The following RCBTB1 variants were observed in gnomAD, a reference collection of about 807,000 sequenced individuals.
RCBTB1 encodes the protein RCC1 and BTB domain containing protein 1.
In RCBTB1, 46 loss-of-function variants were observed where a neutral mutation model predicts 62.4. The ratio of observed to expected loss-of-function variants is 0.74; its 90% CI spans 0.58 to 0.94. RCBTB1 has a LOEUF of 0.94. Ranked by LOEUF, RCBTB1 falls within the 40% of genes least tolerant of loss-of-function variation. RCBTB1 has a pLI of 0.00. For synonymous variants in RCBTB1, 222 were observed against 245.8 expected, an observed-to-expected ratio of 0.90 and a Z score of 0.91; for missense variants, 565 against 654.9, an observed-to-expected ratio of 0.86 and a Z score of 1.50.
Position 49,551,574 on chromosome 13 carries a change from CA to C in RCBTB1, c.712-107del, listed in dbSNP as rs138779579. 224 of 1,239,212 alleles carry C rather than the reference CA, an allele frequency of 1.8e-4. No individual in the cohort carries two copies. The African/African-American group carries it at 3.2e-3, about 18-fold the overall frequency. 76.8% of individuals were successfully genotyped at this position (1,239,212 alleles called of 1,614,324 possible). ...CTTCTGCAGAATGCCAAATCATCAT[CA>C]GGGGTGGACTGACATTTGCTGGAAC... is the stretch of plus-strand genomic sequence containing the variant. On this transcript the variant is annotated intron_variant, in intron 7 of 12. Transcript: ENST00000378302.
At chr13:49,543,428 A>T (rs1215996880) in intron 10 of RCBTB1, among the ~76,000 whole-genome samples, 1 of 152,236 alleles carries the variant, frequency 6.6e-6, no homozygotes. Context: ...CCACAGGTGC[A>T]CAGACAGAAA....
At chr13:49,538,086 A>T (rs1960068992) in intron 12 of RCBTB1, 1 of 152,238 alleles carries the variant, frequency 6.6e-6, no homozygotes, top group Admixed American at 6.5e-5. Flanking sequence ...GTTGAGCTCT[A>T]AAAATAATAG....
At chr13:49,559,325 G>T (rs748831620) in intron 5 of RCBTB1, among the ~76,000 whole-genome samples, 2 of 151,922 alleles carry the variant, frequency 1.3e-5, no homozygotes, top group Non-Finnish European at 2.9e-5. Flanking sequence ...TTCCACTTAC[G>T]TGAGGTACCT....
chr13:49,551,395 T>G lies in RCBTB1; in HGVS notation c.785A>C (p.Tyr262Ser). The change falls in exon 8 of 13, where the codon TAT (tyrosine) becomes TCT (serine). Residue 262 changes from tyrosine to serine, a missense_variant. Physicochemically the swap from Tyr to Ser is moderately radical, Grantham distance 144. Coordinates refer to ENST00000378302, the MANE Select transcript of RCBTB1 (RefSeq NM_018191.4). ...GLLYAWGANT[Y>S]GQLGTGNKNN... is the part of the protein sequence containing the mutation. ...TTTATTGCCAGTTCCCAGCTGCCCATATGTGTTAGCTCCCCAGGCATACAG... is the reference window on the plus strand; with the variant it reads ...TTTATTGCCAGTTCCCAGCTGCCCAGATGTGTTAGCTCCCCAGGCATACAG... 1 of 1,614,190 alleles carries G rather than the reference T, an allele frequency of 6.2e-7. No individual in the cohort carries two copies. Among genetic ancestry groups the G allele is most frequent in the Non-Finnish European group, 8.5e-7 (1 of 1,180,036 alleles).
At chr13:49,564,583 CAAAAAA>C (rs10710755) in intron 4 of RCBTB1, among the ~76,000 whole-genome samples, 972 of 39,286 alleles carry the variant, frequency 0.025, 29 homozygotes, top group African/African-American at 0.11. Flanking sequence ...GACTCCTTCT[CAAAAAA>C]AAAAAAAAAA....
chr13:49,567,131 AC>A, intron 3 of RCBTB1, 22 bp downstream of exon 3: 3 of 1,611,876 alleles, frequency 1.9e-6, no homozygotes, highest in Non-Finnish European at 2.5e-6. Context: ...CTAAAACGAA[AC>A]TAGGTTTCAA....
intron 4 of RCBTB1, among the ~76,000 whole-genome samples, chr13:49,565,284 C>T (rs980690447): frequency 5.3e-5 from 8 of 152,188 alleles, no homozygotes; most frequent in African/African-American, 1.4e-4. Flanking sequence ...CCCGAGGTGC[C>T]GAGATTGCAG....
rs1959684786 is a variant in RCBTB1 at position 49,533,191 on chromosome 13, C to T, written c.*931G>A. ...GACTTGAAGAACCACTTCTTCCAGT[C>T]ATATATAGTAGATATGATGATTCAG... On this transcript the variant is annotated 3_prime_UTR_variant, in exon 13 of 13. Coordinates refer to ENST00000378302, the MANE Select transcript of RCBTB1 (RefSeq NM_018191.4). 1 of 152,076 alleles carries T rather than the reference C, an allele frequency of 6.6e-6. No individual in the cohort carries two copies. Among genetic ancestry groups the T allele is most frequent in the South Asian group, 2.1e-4 (1 of 4,824 alleles). The allele number at this position is 152,076 out of a possible 1,614,324, so 9.4% of individuals were successfully genotyped here.
At position 49,552,236 on chromosome 13, in the gene RCBTB1, T is replaced by C. The variant is rs781395937; in HGVS notation, c.653A>G (p.Asn218Ser). ...TCTCACAGGGGTCAGCTGGTTGCCA[T>C]TGTTTCCCAGGCCCAGCTGACCGTT... ...NGNGQLGLGN[N>S]GNQLTPVRVA... Residue 218 changes from asparagine (N) to serine (S), a missense_variant, in exon 7 of 13, where the codon AAT becomes AGT. Physicochemically the swap from Asn to Ser is conservative, Grantham distance 46 (BLOSUM62 1). Transcript: ENST00000378302. The C allele has an allele frequency of 1.3e-5, 21 of 1,602,878 alleles. No individual in the cohort carries two copies. The highest frequency in any genetic ancestry group is 4.0e-5 in the African/African-American group (3 of 74,810).
chr13:49,562,776 CTTTTTT>C (rs58896397), intron 4 of RCBTB1, among the ~76,000 whole-genome samples: 1,300 of 61,374 alleles, frequency 0.021, 152 homozygotes, highest in African/African-American at 0.06. Context: ...CCATCCCCGG[CTTTTTT>C]TTTTTTTTTT....
intron 4 of RCBTB1, among the ~76,000 whole-genome samples, chr13:49,564,673 C>T (rs1404741553): frequency 2.0e-5 from 3 of 149,456 alleles, no homozygotes; most frequent in East Asian, 2.0e-4. Context: ...GGGCGGATCA[C>T]GAGGTCAGGA....
chr13:49,567,206 C>A lies in RCBTB1; in HGVS notation c.74G>T (p.Cys25Phe). The A allele has an allele frequency of 6.2e-7, 1 of 1,613,880 alleles. No individual in the cohort carries two copies. Among genetic ancestry groups the A allele is most frequent in the Non-Finnish European group, 8.5e-7 (1 of 1,179,804 alleles). The stretch of plus-strand genomic sequence containing the variant: ...TTCACTGGCTGAGGTGCCGAAGACA[C>A]ACGCCTTCCGAATAGACGCGATCTC... ...PQEIASIRKA[C>F]VFGTSASEAL... Residue 25 changes from cysteine to phenylalanine, a missense_variant, in exon 3 of 13, where the codon TGT becomes TTT. Cys to Phe is a radical substitution (Grantham distance 205, BLOSUM62 -2). Transcript: ENST00000378302.
chr13:49,572,529 C>T (rs1423471006), intron 2 of RCBTB1, among the ~76,000 whole-genome samples: 2 of 151,978 alleles, frequency 1.3e-5, no homozygotes, highest in Admixed American at 1.3e-4. Flanking sequence ...AGGCTGGGCA[C>T]GGTGGCTGAC....
rs1166408910 is a variant in RCBTB1, at chr13:49,583,795, C to T, written c.-122+1649G>A. On this transcript the variant is annotated intron_variant, in intron 1 of 12. Transcript: ENST00000378302. Reference sequence around the variant, plus strand: ...ACTCCTGGCCTCGTGTAATCTGTCGCCTCAATCTCCCAAAATGCTGGGATT... The same window carrying T: ...ACTCCTGGCCTCGTGTAATCTGTCGTCTCAATCTCCCAAAATGCTGGGATT... Among the ~76,000 whole-genome samples the T allele has an allele frequency of 2.0e-5, 3 of 152,272 alleles. No individual in the cohort carries two copies. The East Asian group carries it at 5.8e-4, about 29-fold the overall frequency.
Position 49,553,936 on chromosome 13 carries a change from T to C in RCBTB1, c.603+1579A>G, listed in dbSNP as rs186509789. Among the ~76,000 whole-genome samples, 367 of 152,272 alleles carry C rather than the reference T, an allele frequency of 2.4e-3. 2 individuals are homozygous for C. The highest frequency in any genetic ancestry group is 3.7e-3 in the Non-Finnish European group (252 of 68,016). ...AAAGATACACATACACAGAGTAACA[T>C]AGAAAATCACCACAACTCTGTCTAT... is the stretch of plus-strand genomic sequence containing the variant. On this transcript the variant is annotated intron_variant, in intron 6 of 12. Transcript: ENST00000378302.
intron 2 of RCBTB1, among the ~76,000 whole-genome samples, chr13:49,573,789 T>C (rs1317026918): frequency 1.4e-5 from 2 of 139,298 alleles, no homozygotes; most frequent in African/African-American, 2.7e-5. Context: ...ATTTCTCTCT[T>C]TTTTTTTTTT....
At chr13:49,560,612 A>AT (rs60783473) in intron 4 of RCBTB1, among the ~76,000 whole-genome samples, 27,593 of 148,266 alleles carry the variant, frequency 0.19, 3,017 homozygotes, top group African/African-American at 0.32. Context: ...ATCTGGCTGA[A>AT]TTTTTTTTTT....
intron 8 of RCBTB1, among the ~76,000 whole-genome samples, chr13:49,550,179 A>G (rs1961205978): frequency 6.6e-6 from 1 of 151,932 alleles, no homozygotes; most frequent in Non-Finnish European, 1.5e-5. Context: ...GAGTCTCGCT[A>G]TATTGCCAGG....
At chr13:49,544,922 A>G in intron 9 of RCBTB1, 59 bp from the exon 10 acceptor site, 1 of 1,428,114 alleles carries the variant, frequency 7.0e-7, no homozygotes, top group Non-Finnish European at 9.6e-7. Context: ...GAAGATTCAA[A>G]AGACTTCAAA....
Sources: gnomAD v4.1 joint callset for allele counts (sites outside exome capture counted in the v4.1 genomes callset) on GRCh38, gnomAD v4.1.1 for gene constraint, MANE v1.5 for transcripts, NCBI Gene and HGNC (gene_info 2026-07-23, HGNC 2026-07-21) for gene names.